The following ADK variants were observed in gnomAD, a reference collection of about 807,000 sequenced individuals.
The protein encoded by ADK is N6,N6-dimethyladenosine kinase.
Under a neutral mutation model 44.7 loss-of-function variants are expected in ADK, and 24 were observed. That is an observed-to-expected ratio of 0.54 (90% confidence interval 0.39 to 0.76). ADK has a LOEUF of 0.76. ADK is among the 30% of genes least tolerant of loss of function. ADK has a pLI of 0.00. For missense variants in ADK, 321 were observed against 425.1 expected (o/e 0.76, Z 2.15); for synonymous variants, 128 against 142.6 (o/e 0.90, Z 0.73).
At chr10:74,359,646 G>A (rs1268349997) in intron 4 of ADK, among the ~76,000 whole-genome samples, 2 of 152,088 alleles carry the variant, frequency 1.3e-5, no homozygotes, top group African/African-American at 2.4e-5. Context: ...GGTGGTCAAG[G>A]CTGCAGTGAG....
chr10:74,557,514 C>A (rs1322289710), intron 7 of ADK, among the ~76,000 whole-genome samples: 1 of 152,088 alleles, frequency 6.6e-6, no homozygotes, highest in Non-Finnish European at 1.5e-5. Context: ...AGAGAAAATT[C>A]TTTCATAATT....
At chr10:74,521,227 AAAAC>A (rs1848821324) in intron 6 of ADK, among the ~76,000 whole-genome samples, 1 of 152,196 alleles carries the variant, frequency 6.6e-6, no homozygotes, top group African/African-American at 2.4e-5. Context: ...TACTTAAAGA[AAAAC>A]AAGAGATCAT....
intron 3 of ADK, among the ~76,000 whole-genome samples, chr10:74,240,119 A>G (rs1282089492): frequency 6.6e-6 from 1 of 151,710 alleles, no homozygotes; most frequent in Non-Finnish European, 1.5e-5. Flanking sequence ...GGTTCAAGTG[A>G]TTCTTGTCCA....
chr10:74,242,760 G>A (rs577274824), intron 3 of ADK, among the ~76,000 whole-genome samples: 5 of 152,234 alleles, frequency 3.3e-5, no homozygotes, highest in Non-Finnish European at 5.9e-5. Context: ...TGCCCCACCC[G>A]CATCCTGTGC....
At chr10:74,172,081 T>A (rs2395076) in intron 1 of ADK, among the ~76,000 whole-genome samples, 76,606 of 151,068 alleles carry the variant, frequency 0.51, 20,479 homozygotes, top group Non-Finnish European at 0.6. Flanking sequence ...TTTTTGAAAA[T>A]TTTTTTGACC....
intron 9 of ADK, among the ~76,000 whole-genome samples, chr10:74,652,825 A>G (rs960721417): frequency 2.6e-5 from 4 of 152,024 alleles, no homozygotes; most frequent in African/African-American, 9.7e-5. Context: ...TTTAACAGTC[A>G]GCTCATAGCA....
At chr10:74,395,843 A>G (rs1216681814) in intron 5 of ADK, among the ~76,000 whole-genome samples, 20 of 152,190 alleles carry the variant, frequency 1.3e-4, no homozygotes, top group Admixed American at 1.3e-3. Context: ...ACATGGTGAA[A>G]CTCCGTCTCT....
At chr10:74,706,104 C>A (rs962213697) in intron 10 of ADK, among the ~76,000 whole-genome samples, 1 of 152,006 alleles carries the variant, frequency 6.6e-6, no homozygotes, top group East Asian at 1.9e-4. Context: ...GAGGCCAAGG[C>A]GGGCAGATTA....
At chr10:74,490,170 A>G (rs971763110) in intron 6 of ADK, among the ~76,000 whole-genome samples, 2 of 152,106 alleles carry the variant, frequency 1.3e-5, no homozygotes, top group Non-Finnish European at 2.9e-5. Flanking sequence ...GAAAATAAGC[A>G]TGTTTTTAAA....
At chr10:74,605,454 G>A (rs774992430) in intron 9 of ADK, among the ~76,000 whole-genome samples, 3 of 152,138 alleles carry the variant, frequency 2.0e-5, no homozygotes, top group Admixed American at 6.5e-5. Flanking sequence ...TTAGCATGAC[G>A]GAGTGTTGAA....
At chr10:74,431,339 A>G (rs1844992161) in intron 6 of ADK, among the ~76,000 whole-genome samples, 1 of 152,180 alleles carries the variant, frequency 6.6e-6, no homozygotes, top group Admixed American at 6.5e-5. Flanking sequence ...ATCGGCCCAA[A>G]TGTTTGTGTC....
At chr10:74,374,416 A>C (rs1432774787) in intron 4 of ADK, among the ~76,000 whole-genome samples, 1 of 152,142 alleles carries the variant, frequency 6.6e-6, no homozygotes, top group African/African-American at 2.4e-5. Flanking sequence ...TGTTCCTTAA[A>C]TTATGCATAT....
intron 6 of ADK, among the ~76,000 whole-genome samples, chr10:74,451,972 A>AT (rs1845797419): frequency 6.6e-6 from 1 of 151,276 alleles, no homozygotes; most frequent in Non-Finnish European, 1.5e-5. Flanking sequence ...AAACATTTCA[A>AT]TTTTCACTTG....
At chr10:74,325,144 GTCT>G (rs921753247) in intron 4 of ADK, among the ~76,000 whole-genome samples, 16 of 151,956 alleles carry the variant, frequency 1.1e-4, no homozygotes, top group Admixed American at 3.3e-4. Flanking sequence ...TTTTATTTGT[GTCT>G]TCTTTAATTT....
chr10:74,329,024 T>A (rs1841118277), intron 4 of ADK, among the ~76,000 whole-genome samples: 1 of 148,808 alleles, frequency 6.7e-6, no homozygotes, highest in South Asian at 2.1e-4. Context: ...ACCTGCACAT[T>A]GTGTACATGT....
At position 74,708,305 on chromosome 10, in the gene ADK, T is replaced by C; in HGVS notation, c.965-16T>C. 6.2e-7 allele frequency: 1 copy of C among 1,609,078 alleles called. No homozygotes were observed. The highest frequency in any genetic ancestry group is 1.1e-5 in the South Asian group (1 of 91,010). ...GTTATACAATACTCATGTGTTTTTT[T>C]TTGCCTGTGTTCTAGGTTTTCTGTC... On this transcript the variant is annotated splice_polypyrimidine_tract_variant and intron_variant, in intron 10 of 10. Transcript: ENST00000539909.
In ADK at chr10:74,279,520, A is replaced by C. The variant is rs1846833064; in HGVS notation, c.195-35147A>C. Among the ~76,000 whole-genome samples the C allele has an allele frequency of 1.3e-5, 2 of 151,524 alleles. 1 individual carries two copies. Among genetic ancestry groups the C allele is most frequent in the South Asian group, 4.2e-4 (2 of 4,784 alleles). On this transcript the variant is annotated intron_variant, in intron 3 of 10. Coordinates refer to ENST00000539909, the MANE Select transcript of ADK (RefSeq NM_006721.4). Reference sequence around the variant, plus strand: ...AGAATCACTTGAACCCGGAGGTTGCAGTGAGCCGAGATCGTACCACTGCAC... The same window carrying C: ...AGAATCACTTGAACCCGGAGGTTGCCGTGAGCCGAGATCGTACCACTGCAC...
chr10:74,278,276 C>T (rs559115159), intron 3 of ADK, among the ~76,000 whole-genome samples: 2 of 150,652 alleles, frequency 1.3e-5, no homozygotes, highest in Non-Finnish European at 2.9e-5. Flanking sequence ...ACTGCGTGAT[C>T]CTGAGAGGTG....
At chr10:74,552,469 G>A (rs771892706) in intron 7 of ADK, among the ~76,000 whole-genome samples, 4 of 152,148 alleles carry the variant, frequency 2.6e-5, no homozygotes, top group Non-Finnish European at 5.9e-5. Context: ...ACTGTAAATA[G>A]GCATGGAGGT....
Sources: allele counts gnomAD v4.1 joint callset (sites outside exome capture counted in the v4.1 genomes callset), GRCh38; gene constraint gnomAD v4.1.1; transcripts MANE v1.5; gene names NCBI Gene and HGNC (gene_info 2026-07-23, HGNC 2026-07-21).